Variants in RBFOX1 observed in about 807,000 individuals in gnomAD.
RBFOX1 encodes the protein RNA binding fox-1 homolog 1.
Under a neutral mutation model 57.7 loss-of-function variants are expected in RBFOX1, and 8 were observed. The ratio of observed to expected loss-of-function variants is 0.14; its 90% CI spans 0.08 to 0.25. The LOEUF (loss-of-function observed/expected upper bound fraction) is 0.25. Ranked by LOEUF, RBFOX1 falls within the 10% of genes least tolerant of loss-of-function variation. The probability of loss-of-function intolerance (pLI) is 1.00; values close to 1 mark genes in which losing one functional copy is unlikely to be tolerated. For synonymous variants in RBFOX1, 326 were observed against 222.4 expected, an observed-to-expected ratio of 1.47 and a Z score of -4.15; for missense variants, 611 against 548.5, an observed-to-expected ratio of 1.11 and a Z score of -1.14.
chr16:5,985,894 T>A (rs903572160), intron 4 of RBFOX1, among the ~76,000 whole-genome samples: 13 of 152,210 alleles, frequency 8.5e-5, no homozygotes, highest in African/African-American at 2.9e-4. Flanking sequence ...TTGAGAAGAA[T>A]GAGGCCAAGG....
At chr16:7,349,162 G>C (rs1055265423) in intron 4 of RBFOX1, among the ~76,000 whole-genome samples, 3 of 152,138 alleles carry the variant, frequency 2.0e-5, no homozygotes, top group Admixed American at 6.5e-5. Context: ...ACCCACTGAA[G>C]TTCATGCTCA....
chr16:5,379,286 A>C (rs999176299), intron 1 of RBFOX1, among the ~76,000 whole-genome samples: 1 of 151,558 alleles, frequency 6.6e-6, no homozygotes, highest in African/African-American at 2.4e-5. Flanking sequence ...AAAATATGAA[A>C]GCAGTTTTTA....
At chr16:6,002,942 T>C (rs2060626475) in intron 4 of RBFOX1, among the ~76,000 whole-genome samples, 1 of 152,150 alleles carries the variant, frequency 6.6e-6, no homozygotes, top group African/African-American at 2.4e-5. Flanking sequence ...AGGTTGTAGA[T>C]CCTCTGACAG....
chr16:6,820,521 T>G (rs2091086852), intron 3 of RBFOX1, among the ~76,000 whole-genome samples: 1 of 152,096 alleles, frequency 6.6e-6, no homozygotes, highest in Non-Finnish European at 1.5e-5. Flanking sequence ...TAACTGGGTA[T>G]GGTGGCGTGC....
At chr16:7,400,074 G>A (rs540541875) in intron 4 of RBFOX1, among the ~76,000 whole-genome samples, 2 of 152,140 alleles carry the variant, frequency 1.3e-5, no homozygotes, top group African/African-American at 4.8e-5. Flanking sequence ...CTCAGGAGGG[G>A]AAGACCATTT....
At chr16:7,530,461 G>C (rs574281311) in intron 5 of RBFOX1, among the ~76,000 whole-genome samples, 30 of 151,396 alleles carry the variant, frequency 2.0e-4, no homozygotes, top group African/African-American at 6.8e-4. Context: ...AGAGGTTTCA[G>C]CCACAAGTGG....
At chr16:6,793,042 A>G (rs1025871895) in intron 3 of RBFOX1, among the ~76,000 whole-genome samples, 2 of 151,712 alleles carry the variant, frequency 1.3e-5, no homozygotes, top group African/African-American at 4.8e-5. Context: ...AAAAAAAAAA[A>G]ATAGAAGCGA....
intron 2 of RBFOX1, among the ~76,000 whole-genome samples, chr16:5,475,192 TA>T (rs964190458): frequency 1.3e-5 from 2 of 152,228 alleles, no homozygotes; most frequent in African/African-American, 2.4e-5. Context: ...TTCTGTCATT[TA>T]AAAAATTATT....
intron 1 of RBFOX1, among the ~76,000 whole-genome samples, chr16:6,303,762 T>G: frequency 6.7e-6 from 1 of 148,738 alleles, no homozygotes; most frequent in African/African-American, 2.5e-5. Flanking sequence ...GATCATGAGG[T>G]CACGAGTTTG....
At chr16:5,911,436 C>G (rs1418137549) in intron 4 of RBFOX1, among the ~76,000 whole-genome samples, 1 of 152,176 alleles carries the variant, frequency 6.6e-6, no homozygotes, top group Non-Finnish European at 1.5e-5. Flanking sequence ...GGGGCACCAT[C>G]CTAGCATTTC....
intron 3 of RBFOX1, among the ~76,000 whole-genome samples, chr16:6,880,732 A>G (rs922628504): frequency 6.6e-6 from 1 of 152,178 alleles, no homozygotes; most frequent in East Asian, 1.9e-4. Flanking sequence ...GACGATGATT[A>G]TTTTATGATT....
At chr16:5,934,974 C>A (rs761632209) in intron 4 of RBFOX1, among the ~76,000 whole-genome samples, 6 of 152,118 alleles carry the variant, frequency 3.9e-5, no homozygotes, top group Non-Finnish European at 8.8e-5. Context: ...GGTTGGCCTC[C>A]CCCAGAGAGA....
chr16:7,548,336 T>C (rs561112612), intron 5 of RBFOX1, among the ~76,000 whole-genome samples: 3 of 152,258 alleles, frequency 2.0e-5, no homozygotes, highest in South Asian at 4.1e-4. Context: ...TTTGTAGTTT[T>C]AGTAGAGACA....
chr16:6,249,193 A>C (rs894170927), intron 1 of RBFOX1, among the ~76,000 whole-genome samples: 1 of 152,154 alleles, frequency 6.6e-6, no homozygotes, highest in African/African-American at 2.4e-5. Context: ...ATGACCAGCT[A>C]TGGGACCAAC....
chr16:7,686,233 A>G (rs1027286511), intron 14 of RBFOX1, among the ~76,000 whole-genome samples: 1 of 151,936 alleles, frequency 6.6e-6, no homozygotes, highest in African/African-American at 2.4e-5. Context: ...TTTATGAGTT[A>G]GAATAATTTT....
chr16:5,501,547 T>TAA (rs2043198666), intron 2 of RBFOX1, among the ~76,000 whole-genome samples: 1 of 152,062 alleles, frequency 6.6e-6, no homozygotes, highest in South Asian at 2.1e-4. Context: ...AGGCTGGCTT[T>TAA]GGCTAAATTA....
At chr16:5,493,002 A>G (rs947321119) in intron 2 of RBFOX1, among the ~76,000 whole-genome samples, 3 of 152,226 alleles carry the variant, frequency 2.0e-5, no homozygotes, top group African/African-American at 4.8e-5. Context: ...TCCACTGCCT[A>G]TCTTCCTAAA....
At chr16:7,283,838 T>A (rs1411473033) in intron 4 of RBFOX1, among the ~76,000 whole-genome samples, 1 of 152,198 alleles carries the variant, frequency 6.6e-6, no homozygotes, top group Non-Finnish European at 1.5e-5. Context: ...AGCACACAGT[T>A]CTTCAAGTTT....
chr16:7,000,901 A>G (rs1346464314), intron 3 of RBFOX1, among the ~76,000 whole-genome samples: 2 of 152,016 alleles, frequency 1.3e-5, no homozygotes, highest in African/African-American at 2.4e-5. Flanking sequence ...CGCACCTGGG[A>G]AACACATAAT....
Sources: allele counts gnomAD v4.1 joint callset (sites outside exome capture counted in the v4.1 genomes callset), GRCh38; gene constraint gnomAD v4.1.1; transcripts MANE v1.5; gene names NCBI Gene and HGNC (gene_info 2026-07-23, HGNC 2026-07-21).